The following ADGRE3 variants were observed in gnomAD, a reference collection of about 807,000 sequenced individuals.
The protein encoded by ADGRE3 is adhesion G protein-coupled receptor E3, also known as EGF-like module receptor 3.
ADGRE3 carries 88 observed loss-of-function variants against 80.1 expected under a neutral mutation model. The observed-to-expected ratio is 1.10, with a 90% CI of 0.93 to 1.31. The LOEUF is 1.31. Ranked by LOEUF, ADGRE3 falls within the 40% of genes most tolerant of loss-of-function variation. The pLI is 0.00. For synonymous variants in ADGRE3, 281 were observed against 294.8 expected, an observed-to-expected ratio of 0.95 and a Z score of 0.48; for missense variants, 715 against 776.5, an observed-to-expected ratio of 0.92 and a Z score of 0.94.
chr19:14,624,040 C>T (rs1489559602), intron 15 of ADGRE3, among the ~76,000 whole-genome samples: 1 of 152,054 alleles, frequency 6.6e-6, no homozygotes, highest in African/African-American at 2.4e-5. Context: ...CTCAAGCGAT[C>T]CTCCCATCTT....
rs977051411 is a variant in ADGRE3 at position 14,641,578 on chromosome 19, C to T, written c.1089G>A (p.Gly363=). The T allele has an allele frequency of 2.5e-6, 4 of 1,614,004 alleles. No individual in the cohort carries two copies. The highest frequency in any genetic ancestry group is 2.5e-6 in the Non-Finnish European group (3 of 1,180,020). ...DPVLTVITYV[G]LSVSLLCLLL... ...GGAGGCACAGCAGAGAGACGCTCAG[C>T]CCCACGTAGGTGATGACAGTCAGCA... Residue 363 remains glycine, a synonymous_variant, in exon 10 of 16, where the codon GGG becomes GGA. Coordinates refer to ENST00000253673, the MANE Select transcript of ADGRE3 (RefSeq NM_032571.5).
chr19:14,620,559 T>TGA (rs1970563827), intron 15 of ADGRE3, among the ~76,000 whole-genome samples: 3 of 38,446 alleles, frequency 7.8e-5, no homozygotes, highest in Non-Finnish European at 9.1e-5. Context: ...TATATATATA[T>TGA]ATATATATAT....
chr19:14,662,583 A>T (rs1428021469), intron 3 of ADGRE3, among the ~76,000 whole-genome samples: 1 of 152,032 alleles, frequency 6.6e-6, no homozygotes, highest in Admixed American at 6.6e-5. Flanking sequence ...ACGGGGTTTC[A>T]CTATGTTGGC....
downstream of ADGRE3, among the ~76,000 whole-genome samples, chr19:14,614,227 G>A (rs750739331): frequency 1.2e-4 from 18 of 152,172 alleles, no homozygotes; most frequent in African/African-American, 1.9e-4. Context: ...GTTATGTCAA[G>A]CAACTTTATC....
chr19:14,625,927 T>TA (rs1398761504), intron 14 of ADGRE3, among the ~76,000 whole-genome samples: 1 of 151,896 alleles, frequency 6.6e-6, no homozygotes, highest in Non-Finnish European at 1.5e-5. Context: ...TTCCAGGGCC[T>TA]GGGGGGAAGG....
intron 15 of ADGRE3, among the ~76,000 whole-genome samples, chr19:14,620,563 TATA>T (rs1970567361): frequency 2.1e-5 from 1 of 46,704 alleles, no homozygotes; most frequent in Non-Finnish European, 3.7e-5. Flanking sequence ...TATATATATA[TATA>T]TATTTTTTTT....
At chr19:14,610,508 C>A in the ADGRE3 span, 1 of 297,970 alleles carries the variant, frequency 3.4e-6, no homozygotes, top group Non-Finnish European at 6.5e-6. Context: ...TGATACTAGC[C>A]CTGAGGACCC....
chr19:14,636,569 T>C (rs1971097327), intron 11 of ADGRE3, among the ~76,000 whole-genome samples: 1 of 151,858 alleles, frequency 6.6e-6, no homozygotes, highest in South Asian at 2.1e-4. Context: ...CCCCAAACCC[T>C]CTCCTTCTGA....
the ADGRE3 span, chr19:14,610,119 AAC>A: frequency 6.2e-7 from 1 of 1,611,642 alleles, no homozygotes; most frequent in Non-Finnish European, 8.5e-7. Context: ...TGCTACCATG[AAC>A]AAAGGTGGCA....
downstream of ADGRE3, among the ~76,000 whole-genome samples, chr19:14,616,774 A>G (rs2075077151): frequency 6.9e-6 from 1 of 145,832 alleles, no homozygotes; most frequent in Non-Finnish European, 1.5e-5. Flanking sequence ...ACACAGTGGA[A>G]ACAAGCTTTT....
the ADGRE3 span, among the ~76,000 whole-genome samples, chr19:14,600,841 G>A: frequency 4.4e-4 from 65 of 148,000 alleles, no homozygotes; most frequent in African/African-American, 1.4e-3. Flanking sequence ...TGCCCGCCTC[G>A]GCCTCCCAAA....
At chr19:14,619,848 T>C (rs1970487014) in intron 15 of ADGRE3, among the ~76,000 whole-genome samples, 1 of 152,184 alleles carries the variant, frequency 6.6e-6, no homozygotes, top group Non-Finnish European at 1.5e-5. Flanking sequence ...CAACAAATGT[T>C]CTCTTTGCAC....
In ADGRE3 at chr19:14,624,432, A is replaced by G. The variant is rs539594405; in HGVS notation, c.1920+1060T>C. Among the ~76,000 whole-genome samples, 325 of 152,128 alleles carry G rather than the reference A, an allele frequency of 2.1e-3. 1 individual carries two copies. The highest frequency in any genetic ancestry group is 9.6e-3 in the South Asian group (46 of 4,816). On this transcript the variant is annotated intron_variant, in intron 15 of 15. Transcript: ENST00000253673. ...TTATTATTATTATTTTACATTGTGGAAATTGAATAACATGAGCATATCTTT... is the reference window on the plus strand; with the variant it reads ...TTATTATTATTATTTTACATTGTGGGAATTGAATAACATGAGCATATCTTT...
intron 10 of ADGRE3, among the ~76,000 whole-genome samples, chr19:14,640,971 G>C (rs1292473822): frequency 6.6e-6 from 1 of 151,952 alleles, no homozygotes; most frequent in Non-Finnish European, 1.5e-5. Context: ...CCCAGTCTTG[G>C]GTATATCTTT....
chr19:14,664,844 A>C (rs1404644362), intron 2 of ADGRE3, among the ~76,000 whole-genome samples: 1 of 152,098 alleles, frequency 6.6e-6, no homozygotes, highest in Non-Finnish European at 1.5e-5. Context: ...TTGAAAAAAA[A>C]TCCAACAATA....
At chr19:14,615,966 CTTTTT>C (rs376499489), downstream of ADGRE3, among the ~76,000 whole-genome samples, 2 of 141,398 alleles carry the variant, frequency 1.4e-5, no homozygotes, top group African/African-American at 5.2e-5. Flanking sequence ...CTCTGCCTTA[CTTTTT>C]TTTTTTTTTT....
At chr19:14,651,345 T>G (rs1971602832) in intron 6 of ADGRE3, 141 bp from the exon 7 acceptor site, 6 of 866,764 alleles carry the variant, frequency 6.9e-6, no homozygotes, top group Non-Finnish European at 1.1e-5. Flanking sequence ...GGCCCAGGAA[T>G]TTGAGCCCAG....
At chr19:14,610,284 G>A in the ADGRE3 span, 8 of 1,505,718 alleles carry the variant, frequency 5.3e-6, no homozygotes, top group Middle Eastern at 2.2e-4. Context: ...TTGCCTCTTC[G>A]TGAGTGGACA....
chr19:14,668,505 C>A (rs1207434489), intron 2 of ADGRE3: 1 of 466,708 alleles, frequency 2.1e-6, no homozygotes, highest in Middle Eastern at 5.4e-4. Flanking sequence ...TGTCTCTCCC[C>A]ACTAGAATGT....
Sources: allele counts gnomAD v4.1 joint callset (sites outside exome capture counted in the v4.1 genomes callset), GRCh38; gene constraint gnomAD v4.1.1; transcripts MANE v1.5; gene names NCBI Gene and HGNC (gene_info 2026-07-23, HGNC 2026-07-21).